The following SIRPD variants were observed in gnomAD, a reference collection of about 807,000 sequenced individuals.
SIRPD encodes the protein signal-regulatory protein delta.
A neutral mutation model predicts 18.0 loss-of-function variants in SIRPD; 21 were observed. That is an observed-to-expected ratio of 1.17 (90% CI 0.83 to 1.68). The LOEUF (loss-of-function observed/expected upper bound fraction) is 1.68, where lower values mean the gene tolerates loss of function less well. SIRPD is among the 40% of genes most tolerant of loss of function. The pLI is 0.00. For synonymous variants in SIRPD, 106 were observed against 92.9 expected (o/e 1.14, Z -0.81); for missense variants, 295 against 238.4 (o/e 1.24, Z -1.56).
intron 2 of SIRPD, among the ~76,000 whole-genome samples, chr20:1,545,727 C>T (rs1361528940): frequency 4.6e-5 from 7 of 152,094 alleles, no homozygotes; most frequent in Admixed American, 6.5e-5. Context: ...AGCTTTTTTG[C>T]GCTGTTTTTT....
chr20:1,549,533 A>G (rs1035194742), intron 2 of SIRPD, among the ~76,000 whole-genome samples: 9 of 151,758 alleles, frequency 5.9e-5, no homozygotes, highest in African/African-American at 9.7e-5. Context: ...CTGCTTGTAC[A>G]GTTGTTGAGT....
intron 3 of SIRPD, among the ~76,000 whole-genome samples, chr20:1,535,141 A>G (rs1296254582): frequency 6.6e-6 from 1 of 152,216 alleles, no homozygotes; most frequent in African/African-American, 2.4e-5. Context: ...GATGTTGCAG[A>G]CACATATATA....
chr20:1,535,767 A>T (rs1429891247), intron 3 of SIRPD, among the ~76,000 whole-genome samples: 2 of 152,232 alleles, frequency 1.3e-5, no homozygotes, highest in African/African-American at 4.8e-5. Context: ...TTGCGAAAAT[A>T]ACCTCCCTGA....
chr20:1,554,880 T>A (rs2091033467), intron 1 of SIRPD, among the ~76,000 whole-genome samples: 2 of 152,214 alleles, frequency 1.3e-5, no homozygotes, highest in Non-Finnish European at 2.9e-5. Flanking sequence ...TTACAATGGT[T>A]GGTTTGTCAA....
chr20:1,557,503 T>A (rs1039165592), intron 1 of SIRPD, 78 bp downstream of exon 1: 4 of 1,249,976 alleles, frequency 3.2e-6, no homozygotes, highest in Non-Finnish European at 4.2e-6. Context: ...AGAAATTCTA[T>A]GGGAACAGGT....
At chr20:1,551,119 C>T (rs954915195) in intron 2 of SIRPD, among the ~76,000 whole-genome samples, 1 of 152,186 alleles carries the variant, frequency 6.6e-6, no homozygotes, top group Non-Finnish European at 1.5e-5. Context: ...TTTTCTTTCA[C>T]ATTATTAGAG....
At chr20:1,537,098 C>A in intron 3 of SIRPD, 57 bp downstream of exon 3, 1 of 1,578,676 alleles carries the variant, frequency 6.3e-7, no homozygotes. Context: ...AATGGTACCG[C>A]CGCCAAACTC....
chr20:1,538,660 A>G lies in SIRPD; in HGVS notation c.422-1350T>C, dbSNP rs542939310. On this transcript the variant is annotated intron_variant, in intron 2 of 3. Coordinates refer to ENST00000381623, the MANE Select transcript of SIRPD (RefSeq NM_178460.3). Reference sequence around the variant, plus strand: ...ATTTTTGGAACCTTGCCACCATGCTATGAGGAAGCCCAAACTAGCATGCAT... The same window carrying G: ...ATTTTTGGAACCTTGCCACCATGCTGTGAGGAAGCCCAAACTAGCATGCAT... 1.6e-4 allele frequency among the ~76,000 whole-genome samples: 24 copies of G among 152,300 alleles called. No homozygotes were observed. In the South Asian group the frequency reaches 5.0e-3, roughly 32 times the overall value.
At chr20:1,554,181 C>A (rs2091030208) in intron 1 of SIRPD, 1 of 152,646 alleles carries the variant, frequency 6.6e-6, no homozygotes, top group Non-Finnish European at 1.5e-5. Flanking sequence ...AACCACAAGA[C>A]AGGCCCTTCT....
intron 2 of SIRPD, among the ~76,000 whole-genome samples, chr20:1,538,092 C>T (rs2123116014): frequency 6.6e-6 from 1 of 152,308 alleles, no homozygotes; most frequent in East Asian, 1.9e-4. Flanking sequence ...CATGAAATCA[C>T]ATTCAGAGCC....
In SIRPD at chr20:1,551,718, C is replaced by T; in HGVS notation, c.394G>A (p.Gly132Ser). 6.2e-7 allele frequency: 1 copy of T among 1,613,806 alleles called. No homozygotes were observed. Among genetic ancestry groups the T allele is most frequent in the Non-Finnish European group, 8.5e-7 (1 of 1,179,804 alleles). ...GTAACAAACACCTGAGTGCCCCGAC[C>T]TGATTGGTACTCCTTGATAGCTCTT... ...KGRAIKEYQS[G>S]RGTQVFVTEQ... The change falls in exon 2 of 4, where the codon GGT becomes AGT. Residue 132 changes from glycine (G) to serine (S), a missense_variant. Coordinates refer to ENST00000381623, the MANE Select transcript of SIRPD (RefSeq NM_178460.3).
intron 2 of SIRPD, among the ~76,000 whole-genome samples, chr20:1,545,549 T>C (rs1191093924): frequency 1.3e-5 from 2 of 152,232 alleles, no homozygotes; most frequent in African/African-American, 4.8e-5. Context: ...CTTTCTTGCA[T>C]TGGGTTAGAA....
rs376487161 is a variant in SIRPD, at chr20:1,540,988, A to G, written c.422-3678T>C. Among the ~76,000 whole-genome samples the G allele has an allele frequency of 3.0e-4, 46 of 152,304 alleles. No homozygotes were observed. The East Asian group carries it at 8.7e-3, about 29-fold the overall frequency. ...TAAACTCATTCTTTTTTATGGCTGC[A>G]TAGTATTCCATGGTGTATATGTGCC... On this transcript the variant is annotated intron_variant, in intron 2 of 3. Coordinates refer to ENST00000381623, the MANE Select transcript of SIRPD (RefSeq NM_178460.3).
intron 2 of SIRPD, among the ~76,000 whole-genome samples, chr20:1,544,097 G>A (rs144083174): frequency 6.6e-6 from 1 of 152,310 alleles, no homozygotes; most frequent in East Asian, 1.9e-4. Context: ...TTGATTTGGG[G>A]TGGAGAGTTC....
intron 1 of SIRPD, among the ~76,000 whole-genome samples, chr20:1,552,600 G>T (rs2091024330): frequency 6.6e-6 from 1 of 152,114 alleles, no homozygotes. Flanking sequence ...AAGGGAGAGG[G>T]TTTCCTCTCC....
At chr20:1,536,311 C>G (rs1025544149) in intron 3 of SIRPD, among the ~76,000 whole-genome samples, 1 of 151,504 alleles carries the variant, frequency 6.6e-6, no homozygotes, top group Non-Finnish European at 1.5e-5. Flanking sequence ...ATTTCACAGA[C>G]AAGAAAACAG....
rs1355591913 is a variant in SIRPD at position 1,548,139 on chromosome 20, T to C, written c.421+3552A>G. Among the ~76,000 whole-genome samples, 5 of 152,310 alleles carry C rather than the reference T, an allele frequency of 3.3e-5. 1 individual carries two copies. The highest frequency in any genetic ancestry group is 4.1e-4 in the South Asian group (2 of 4,824). On this transcript the variant is annotated intron_variant, in intron 2 of 3. Coordinates refer to ENST00000381623, the MANE Select transcript of SIRPD (RefSeq NM_178460.3). ...TAGAAATGGTGATAGGAGATATCCT[T>C]GTGTTATTCTTGATCTACTGGGGAC...
At chr20:1,541,229 G>A (rs954002774) in intron 2 of SIRPD, among the ~76,000 whole-genome samples, 2 of 152,122 alleles carry the variant, frequency 1.3e-5, no homozygotes, top group Non-Finnish European at 2.9e-5. Flanking sequence ...TTCCACAATG[G>A]TTGAAGTAAT....
intron 2 of SIRPD, among the ~76,000 whole-genome samples, chr20:1,543,471 G>GTGA (rs143811503): frequency 0.86 from 130,354 of 151,854 alleles, 56,206 homozygotes; most frequent in Middle Eastern, 0.96. Flanking sequence ...TGGGATCAGG[G>GTGA]TATTCCCTTC....
Sources: gnomAD v4.1 joint callset for allele counts (sites outside exome capture counted in the v4.1 genomes callset) on GRCh38, gnomAD v4.1.1 for gene constraint, MANE v1.5 for transcripts, NCBI Gene and HGNC (gene_info 2026-07-23, HGNC 2026-07-21) for gene names.